LSAMP: variants seen among roughly 807,000 people sequenced by gnomAD.
LSAMP encodes limbic system associated membrane protein, also known as limbic system-associated membrane protein.
Under a neutral mutation model 38.6 loss-of-function variants are expected in LSAMP, and 7 were observed. The observed-to-expected ratio is 0.18, with a 90% confidence interval of 0.10 to 0.34. The LOEUF (loss-of-function observed/expected upper bound fraction) is 0.34. LSAMP is among the 10% of genes least tolerant of loss of function. LSAMP has a pLI of 1.00. For synonymous variants in LSAMP, 154 were observed against 166.8 expected, an observed-to-expected ratio of 0.92 and a Z score of 0.59; for missense variants, 313 against 420.0, an observed-to-expected ratio of 0.75 and a Z score of 2.23.
chr3:115,889,658 C>T lies in LSAMP; in HGVS notation c.515-37041G>A, dbSNP rs939564694. Among the ~76,000 whole-genome samples, 5 of 151,958 alleles carry T rather than the reference C, an allele frequency of 3.3e-5. No individual in the cohort carries two copies. In the East Asian group the frequency reaches 9.7e-4, roughly 30 times the overall value. ...CTTTGAGAGTAAAAACTAGCAGTGA[C>T]CTTAGAGATTAATAGTCTGTAATTC... On this transcript the variant is annotated intron_variant, in intron 3 of 6. Transcript: ENST00000490035.
chr3:116,251,375 C>T (rs947980209), intron 1 of LSAMP, among the ~76,000 whole-genome samples: 5 of 152,066 alleles, frequency 3.3e-5, no homozygotes, highest in Non-Finnish European at 5.9e-5. Context: ...AGATAGAAAA[C>T]AGGCAGAAAG....
intron 3 of LSAMP, among the ~76,000 whole-genome samples, chr3:115,980,092 A>G (rs1939313102): frequency 6.6e-6 from 1 of 152,144 alleles, no homozygotes. Flanking sequence ...TTAAAAAAAT[A>G]CTTAAGATAC....
At chr3:116,086,673 T>A in intron 1 of LSAMP, 117 bp from the exon 2 acceptor site, 1 of 757,308 alleles carries the variant, frequency 1.3e-6, no homozygotes, top group Non-Finnish European at 2.2e-6. Flanking sequence ...CAGAATGAAT[T>A]ATTGCCATGC....
intron 3 of LSAMP, among the ~76,000 whole-genome samples, chr3:116,016,071 G>A (rs1256310099): frequency 6.6e-6 from 1 of 152,018 alleles, no homozygotes; most frequent in Non-Finnish European, 1.5e-5. Context: ...TGTCACACAG[G>A]GAGCAGAGTC....
At chr3:116,396,632 T>G (rs1215482051) in intron 1 of LSAMP, among the ~76,000 whole-genome samples, 1 of 152,216 alleles carries the variant, frequency 6.6e-6, no homozygotes, top group Non-Finnish European at 1.5e-5. Flanking sequence ...TACTTTATAT[T>G]TCTATAGGAT....
intron 1 of LSAMP, among the ~76,000 whole-genome samples, chr3:116,090,052 GA>G (rs375451017): frequency 4.6e-5 from 7 of 150,594 alleles, no homozygotes; most frequent in African/African-American, 1.7e-4. Flanking sequence ...AAGTACACAT[GA>G]AAAAAAATGG....
chr3:116,261,940 T>C (rs2046832020), intron 1 of LSAMP, among the ~76,000 whole-genome samples: 1 of 150,846 alleles, frequency 6.6e-6, no homozygotes, highest in Admixed American at 6.6e-5. Context: ...ATTCACATCT[T>C]TTTCTAAATT....
intron 1 of LSAMP, among the ~76,000 whole-genome samples, chr3:116,403,100 T>C (rs1165551089): frequency 6.6e-6 from 1 of 152,176 alleles, no homozygotes; most frequent in African/African-American, 2.4e-5. Flanking sequence ...TAATCAGTCT[T>C]TCCGAACTTG....
At chr3:116,043,389 T>A (rs973263809) in intron 2 of LSAMP, among the ~76,000 whole-genome samples, 6 of 152,298 alleles carry the variant, frequency 3.9e-5, no homozygotes, top group Middle Eastern at 3.4e-3. Flanking sequence ...TTAATGCCAA[T>A]GGACACAAAA....
intron 3 of LSAMP, among the ~76,000 whole-genome samples, chr3:115,900,308 A>G (rs1460841180): frequency 1.3e-5 from 2 of 152,090 alleles, no homozygotes; most frequent in Non-Finnish European, 2.9e-5. Context: ...TGAGGTCAGG[A>G]GTTCAAGAGC....
At chr3:116,028,038 C>T (rs1940833896) in intron 2 of LSAMP, among the ~76,000 whole-genome samples, 1 of 152,118 alleles carries the variant, frequency 6.6e-6, no homozygotes, top group African/African-American at 2.4e-5. Context: ...TTCTTTGGTA[C>T]AGCAGGAAAA....
intron 1 of LSAMP, among the ~76,000 whole-genome samples, chr3:116,356,785 C>G (rs1033947522): frequency 6.6e-6 from 1 of 151,974 alleles, no homozygotes; most frequent in Non-Finnish European, 1.5e-5. Flanking sequence ...TATAGGAAGT[C>G]AGTTTCTTTC....
At chr3:116,410,641 A>G (rs1465066192) in intron 1 of LSAMP, among the ~76,000 whole-genome samples, 1 of 152,086 alleles carries the variant, frequency 6.6e-6, no homozygotes, top group Non-Finnish European at 1.5e-5. Context: ...CAAGTACACA[A>G]TGGTTGTCCT....
intron 2 of LSAMP, among the ~76,000 whole-genome samples, chr3:116,021,083 C>T (rs1368517061): frequency 2.0e-5 from 3 of 152,112 alleles, no homozygotes; most frequent in Non-Finnish European, 2.9e-5. Context: ...ACCCTCTCCA[C>T]CTCAGCATTC....
intron 1 of LSAMP, among the ~76,000 whole-genome samples, chr3:116,114,972 GC>G (rs780387021): frequency 3.3e-5 from 5 of 152,140 alleles, no homozygotes; most frequent in Non-Finnish European, 5.9e-5. Flanking sequence ...AAATGTAGAT[GC>G]TTTTCAATAG....
In LSAMP at chr3:116,175,705, CT is replaced by C. The variant is rs1000709102; in HGVS notation, c.156-89150del. On this transcript the variant is annotated intron_variant, in intron 1 of 6. Transcript: ENST00000490035. ...CATATTTATATCTTATAATCTTTCCCTTTTTTTTCTTAAAAAAAGAGACTGG... is the reference window on the plus strand; with the variant it reads ...CATATTTATATCTTATAATCTTTCCCTTTTTTTCTTAAAAAAAGAGACTGG... 3.6e-4 allele frequency among the ~76,000 whole-genome samples: 54 copies of C among 151,706 alleles called. 1 individual carries two copies. The highest frequency in any genetic ancestry group is 1.2e-3 in the African/African-American group (48 of 41,392).
intron 1 of LSAMP, among the ~76,000 whole-genome samples, chr3:116,340,730 T>A (rs1489033612): frequency 6.6e-6 from 1 of 152,000 alleles, no homozygotes; most frequent in African/African-American, 2.4e-5. Flanking sequence ...CAAACAATAC[T>A]GTGTGTAAAC....
chr3:116,324,805 A>G (rs912224873), intron 1 of LSAMP, among the ~76,000 whole-genome samples: 2 of 152,132 alleles, frequency 1.3e-5, no homozygotes, highest in Non-Finnish European at 2.9e-5. Flanking sequence ...ACAACATTTA[A>G]GATTTTATAG....
Position 116,445,075 on chromosome 3 carries a change from G to C in LSAMP, c.-44C>G. The C allele has an allele frequency of 6.4e-7, 1 of 1,574,074 alleles. No homozygotes were observed. Among genetic ancestry groups the C allele is most frequent in the Non-Finnish European group, 8.6e-7 (1 of 1,157,958 alleles). On this transcript the variant is annotated 5_prime_UTR_variant, in exon 1 of 7. Coordinates refer to ENST00000490035, the MANE Select transcript of LSAMP (RefSeq NM_002338.5). ...CGGGTCCGCGGGGTGCTCTGGAGGG[G>C]TGCGCGCTGCTCGCGAGGAGAGGCT...
Sources: gnomAD v4.1 joint callset for allele counts (sites outside exome capture counted in the v4.1 genomes callset) on GRCh38, gnomAD v4.1.1 for gene constraint, MANE v1.5 for transcripts, NCBI Gene and HGNC (gene_info 2026-07-23, HGNC 2026-07-21) for gene names.